PRORP: variants seen among roughly 807,000 people sequenced by gnomAD.
PRORP encodes mitochondrial ribonuclease P catalytic subunit.
PRORP carries 51 observed loss-of-function variants against 59.4 expected under a neutral mutation model. The ratio of observed to expected loss-of-function variants is 0.86; its 90% CI spans 0.69 to 1.08. The LOEUF is 1.08. PRORP is among the 50% of genes least tolerant of loss of function. The pLI, the probability that PRORP is intolerant of heterozygous loss-of-function variation, is 0.00. For missense variants in PRORP, 646 were observed against 690.3 expected, an observed-to-expected ratio of 0.94 and a Z score of 0.72; for synonymous variants, 231 against 245.6, an observed-to-expected ratio of 0.94 and a Z score of 0.55.
intron 4 of PRORP, among the ~76,000 whole-genome samples, chr14:35,134,497 G>C (rs371434568): frequency 3.3e-5 from 5 of 152,210 alleles, no homozygotes; most frequent in African/African-American, 1.2e-4. Flanking sequence ...TCTTCAGTTA[G>C]CAGGTGATGA....
At chr14:35,142,785 G>A (rs1300373251) in intron 4 of PRORP, among the ~76,000 whole-genome samples, 1 of 144,610 alleles carries the variant, frequency 6.9e-6, no homozygotes, top group African/African-American at 2.4e-5. Context: ...TGAGGTTGCA[G>A]TGAGCTGAGA....
intron 5 of PRORP, among the ~76,000 whole-genome samples, chr14:35,236,505 T>C (rs1458353663): frequency 6.6e-6 from 1 of 152,198 alleles, no homozygotes; most frequent in Non-Finnish European, 1.5e-5. Flanking sequence ...TTGAAAATGC[T>C]CTCCCTCAGG....
rs1202465309 is a variant in PRORP, at chr14:35,181,782, T to TC, written c.1275+1006dup. Among the ~76,000 whole-genome samples the TC allele has an allele frequency of 7.7e-3, 220 of 28,668 alleles. 2 individuals are homozygous for TC. The highest frequency in any genetic ancestry group is 0.016 in the Non-Finnish European group (176 of 10,876). The allele number at this position is 28,668 out of a possible 152,430, so 18.8% of individuals were successfully genotyped here. ...CCTGGGCAACAAGAGCAAAACTGTC[T>TC]CAAAAAAAAAAAAAAAAAAGTAATG... On this transcript the variant is annotated intron_variant, in intron 5 of 7. Transcript: ENST00000534898.
chr14:35,149,593 T>C (rs899305712), intron 4 of PRORP, among the ~76,000 whole-genome samples: 1 of 152,210 alleles, frequency 6.6e-6, no homozygotes, highest in African/African-American at 2.4e-5. Context: ...ACTTTTCTTC[T>C]ACGGCTTCAT....
intron 5 of PRORP, chr14:35,222,084 C>T (rs2049801406): frequency 6.7e-6 from 1 of 150,304 alleles, no homozygotes; most frequent in South Asian, 2.1e-4. Context: ...ATTCACCTCT[C>T]CAAACACAAA....
At chr14:35,178,230 G>A (rs1467089893) in intron 4 of PRORP, among the ~76,000 whole-genome samples, 1 of 152,192 alleles carries the variant, frequency 6.6e-6, no homozygotes, top group East Asian at 1.9e-4. Flanking sequence ...TTGATTTGGG[G>A]TGGAGAGTTC....
intron 5 of PRORP, among the ~76,000 whole-genome samples, chr14:35,218,313 T>G (rs972545303): frequency 6.6e-6 from 1 of 151,438 alleles, no homozygotes; most frequent in East Asian, 2.0e-4. Flanking sequence ...ATTAAAAAAT[T>G]GGCTGGGTGT....
intron 4 of PRORP, among the ~76,000 whole-genome samples, chr14:35,178,309 G>T (rs1314487032): frequency 1.3e-5 from 2 of 152,158 alleles, no homozygotes; most frequent in African/African-American, 4.8e-5. Flanking sequence ...GTTAACTTCT[G>T]TCTCGTTGAT....
At chr14:35,158,489 C>A in intron 4 of PRORP, 1 of 265,728 alleles carries the variant, frequency 3.8e-6, no homozygotes, top group South Asian at 5.6e-5. Context: ...TTGTTGTCTT[C>A]TTCACCTGTT....
At chr14:35,179,109 C>T (rs562878687) in intron 4 of PRORP, among the ~76,000 whole-genome samples, 5 of 152,308 alleles carry the variant, frequency 3.3e-5, no homozygotes, top group African/African-American at 7.2e-5. Context: ...CCTAGAGATC[C>T]GCTGTTAGTC....
intron 5 of PRORP, among the ~76,000 whole-genome samples, chr14:35,240,724 C>G (rs772095108): frequency 1.3e-5 from 2 of 152,086 alleles, no homozygotes; most frequent in South Asian, 2.1e-4. Flanking sequence ...CTCCTTGTTC[C>G]TCCTCCTCCA....
intron 5 of PRORP, among the ~76,000 whole-genome samples, chr14:35,260,955 A>AT (rs2138633989): frequency 6.6e-6 from 1 of 152,328 alleles, no homozygotes; most frequent in African/African-American, 2.4e-5. Context: ...AAGTGCTAGG[A>AT]TTACAGGTAT....
intron 5 of PRORP, among the ~76,000 whole-genome samples, chr14:35,195,195 A>G (rs544041491): frequency 2.0e-5 from 3 of 152,300 alleles, no homozygotes; most frequent in East Asian, 3.9e-4. Context: ...TTGGTACTGT[A>G]TCTATTCAAA....
intron 5 of PRORP, among the ~76,000 whole-genome samples, chr14:35,239,287 G>A (rs1484549732): frequency 1.3e-5 from 2 of 151,352 alleles, no homozygotes; most frequent in South Asian, 2.1e-4. Context: ...GGCGGAGGTT[G>A]CAATGAGCCA....
chr14:35,262,788 C>G (rs889169199), intron 5 of PRORP: 20 of 1,292,336 alleles, frequency 1.5e-5, no homozygotes, highest in Non-Finnish European at 2.2e-5. Context: ...GAATGGGTCT[C>G]TTGTTGAAAT....
chr14:35,176,365 A>G (rs963492408), intron 4 of PRORP, among the ~76,000 whole-genome samples: 2 of 152,076 alleles, frequency 1.3e-5, no homozygotes, highest in African/African-American at 2.4e-5. Flanking sequence ...GATTCTTCCT[A>G]TCCATGAGCA....
At chr14:35,263,400 T>C (rs910829642) in intron 5 of PRORP, among the ~76,000 whole-genome samples, 1 of 152,154 alleles carries the variant, frequency 6.6e-6, no homozygotes, top group Admixed American at 6.6e-5. Flanking sequence ...TAAGAAAATA[T>C]TGGGGGCTGG....
At chr14:35,166,641 C>A (rs1330634283) in intron 4 of PRORP, among the ~76,000 whole-genome samples, 2 of 151,996 alleles carry the variant, frequency 1.3e-5, no homozygotes, top group Non-Finnish European at 2.9e-5. Context: ...TTAGTAGAGA[C>A]AGGGTTTCAC....
At chr14:35,153,173 C>T (rs939727242) in intron 4 of PRORP, among the ~76,000 whole-genome samples, 4 of 152,218 alleles carry the variant, frequency 2.6e-5, no homozygotes, top group African/African-American at 7.2e-5. Context: ...GGATCACTCG[C>T]GGTTAGGAGT....
Sources: gnomAD v4.1 joint callset for allele counts (sites outside exome capture counted in the v4.1 genomes callset) on GRCh38, gnomAD v4.1.1 for gene constraint, MANE v1.5 for transcripts, NCBI Gene and HGNC (gene_info 2026-07-23, HGNC 2026-07-21) for gene names.